EPHB1: variants seen among roughly 807,000 people sequenced by gnomAD.
EPHB1 encodes the protein EPH receptor B1.
Under a neutral mutation model 94.4 loss-of-function variants are expected in EPHB1, and 30 were observed. The observed-to-expected ratio is 0.32, with a 90% CI of 0.24 to 0.43. The LOEUF is 0.43. Among genes scored for constraint, EPHB1 ranks in the 20% least tolerant of loss-of-function variants. The probability of loss-of-function intolerance (pLI) is 1.00; values close to 1 mark genes in which losing one functional copy is unlikely to be tolerated. For synonymous variants in EPHB1, 522 were observed against 489.1 expected, an observed-to-expected ratio of 1.07 and a Z score of -0.89; for missense variants, 1,055 against 1,308.3, an observed-to-expected ratio of 0.81 and a Z score of 2.99.
At chr3:135,144,020 G>A (rs1487668929) in intron 5 of EPHB1, among the ~76,000 whole-genome samples, 2 of 152,106 alleles carry the variant, frequency 1.3e-5, no homozygotes, top group Non-Finnish European at 2.9e-5. Context: ...CTCCCTAAGT[G>A]CACAAGGGGT....
In EPHB1 at chr3:135,259,137, G is replaced by C; in HGVS notation, c.*17G>C. 6.3e-7 allele frequency: 1 copy of C among 1,585,326 alleles called. No homozygotes were observed. The highest frequency in any genetic ancestry group is 8.6e-7 in the Non-Finnish European group (1 of 1,162,138). On this transcript the variant is annotated 3_prime_UTR_variant, in exon 16 of 16. Transcript: ENST00000398015. ...ATGGCATGAGAACTCTTGTTTCTTG[G>C]GGAAGGAGAGGAGGGAAAAGGACCA... is the stretch of plus-strand genomic sequence containing the variant.
intron 6 of EPHB1, among the ~76,000 whole-genome samples, chr3:135,156,951 A>T (rs753291140): frequency 6.6e-6 from 1 of 152,234 alleles, no homozygotes; most frequent in Admixed American, 6.5e-5. Context: ...TTGTAGCTCT[A>T]TTGAAATAAC....
At chr3:135,200,428 C>A (rs182454799) in intron 11 of EPHB1, among the ~76,000 whole-genome samples, 1 of 150,582 alleles carries the variant, frequency 6.6e-6, no homozygotes, top group East Asian at 1.9e-4. Flanking sequence ...AGACGCTGTG[C>A]ATGAGGTTCC....
At chr3:135,171,147 G>C (rs1941791380) in intron 9 of EPHB1, among the ~76,000 whole-genome samples, 1 of 151,998 alleles carries the variant, frequency 6.6e-6, no homozygotes, top group Non-Finnish European at 1.5e-5. Flanking sequence ...AGTGATCACT[G>C]GGAACCCCCA....
At chr3:135,173,886 A>T (rs1941891660) in intron 9 of EPHB1, among the ~76,000 whole-genome samples, 1 of 152,344 alleles carries the variant, frequency 6.6e-6, no homozygotes, top group Non-Finnish European at 1.5e-5. Context: ...CACCTGGTTA[A>T]TAGTGCCATG....
Position 134,927,620 on chromosome 3 carries a change from G to C in EPHB1, c.123+1740G>C, listed in dbSNP as rs546350752. ...TTTACAAGGCCCCAACATAATTTAT[G>C]GTTAATTTTTCCCTTGGTTTTTGTA... On this transcript the variant is annotated intron_variant, in intron 2 of 15. Transcript: ENST00000398015. Among the ~76,000 whole-genome samples the C allele has an allele frequency of 3.3e-5, 5 of 152,280 alleles. No individual in the cohort carries two copies. The East Asian group carries it at 9.6e-4, about 29-fold the overall frequency.
intron 1 of EPHB1, among the ~76,000 whole-genome samples, chr3:134,867,195 T>C (rs1016094556): frequency 5.9e-5 from 9 of 152,208 alleles, no homozygotes; most frequent in Non-Finnish European, 1.2e-4. Flanking sequence ...TAGGTATGCC[T>C]TTAATTCAGT....
chr3:135,176,817 C>T (rs928883527), intron 9 of EPHB1, among the ~76,000 whole-genome samples: 4 of 152,112 alleles, frequency 2.6e-5, no homozygotes, highest in Non-Finnish European at 4.4e-5. Context: ...CATTCATTAC[C>T]GCATATTCTA....
intron 3 of EPHB1, among the ~76,000 whole-genome samples, chr3:135,087,763 G>A (rs1938411190): frequency 6.6e-6 from 1 of 152,170 alleles, no homozygotes; most frequent in African/African-American, 2.4e-5. Flanking sequence ...ACTAGAGGTA[G>A]GAAGAGTTCG....
At chr3:135,068,223 C>T (rs1346350643) in intron 3 of EPHB1, among the ~76,000 whole-genome samples, 1 of 152,170 alleles carries the variant, frequency 6.6e-6, no homozygotes, top group Non-Finnish European at 1.5e-5. Flanking sequence ...CCCTGCCTCC[C>T]ATCTGCCATG....
At chr3:135,078,121 C>G (rs1938012466) in intron 3 of EPHB1, among the ~76,000 whole-genome samples, 1 of 152,164 alleles carries the variant, frequency 6.6e-6, no homozygotes, top group South Asian at 2.1e-4. Flanking sequence ...CTGCATTCCC[C>G]CAGGTTCCTG....
chr3:134,981,452 C>G (rs73214171), intron 3 of EPHB1, among the ~76,000 whole-genome samples: 8,556 of 152,204 alleles, frequency 0.056, 349 homozygotes, highest in Non-Finnish European at 0.082. Flanking sequence ...TGGCCTGGTT[C>G]AGAAGTGACA....
chr3:135,249,511 CT>C lies in EPHB1; in HGVS notation c.2846+21del, dbSNP rs755967869. ...ATCAGAGTAAGTGATGAGAATCTCT[CT>C]GTCCAGACCACACCTAGGGGTCAGT... On this transcript the variant is annotated intron_variant, in intron 15 of 15. Transcript: ENST00000398015. 1.7e-5 allele frequency: 27 copies of C among 1,606,714 alleles called. No homozygotes were observed. In the Admixed American group the frequency reaches 4.5e-4, roughly 27 times the overall value.
At chr3:135,041,535 G>A (rs1396579099) in intron 3 of EPHB1, among the ~76,000 whole-genome samples, 5 of 152,200 alleles carry the variant, frequency 3.3e-5, no homozygotes, top group Admixed American at 6.5e-5. Flanking sequence ...TGAAAAGGAA[G>A]GTCCAGACTG....
intron 1 of EPHB1, among the ~76,000 whole-genome samples, chr3:134,905,683 T>G (rs1454019901): frequency 6.6e-6 from 1 of 152,218 alleles, no homozygotes; most frequent in Non-Finnish European, 1.5e-5. Context: ...TCTTTTCCTG[T>G]GCTGAGGTCT....
chr3:135,172,859 G>A (rs1941844380), intron 9 of EPHB1, among the ~76,000 whole-genome samples: 1 of 152,194 alleles, frequency 6.6e-6, no homozygotes, highest in Non-Finnish European at 1.5e-5. Flanking sequence ...GTAAGCCAGA[G>A]ACTCAAGAAA....
Position 134,919,998 on chromosome 3 carries a change from C to T in EPHB1, c.59-5818C>T, listed in dbSNP as rs138469551. Reference sequence around the variant, plus strand: ...CTGCCTACCAGGCTCCATACATCTGCCATTTTATTCCATGCTCACATTGTA... The same window carrying T: ...CTGCCTACCAGGCTCCATACATCTGTCATTTTATTCCATGCTCACATTGTA... On this transcript the variant is annotated intron_variant, in intron 1 of 15. Transcript: ENST00000398015. Among the ~76,000 whole-genome samples the T allele has an allele frequency of 4.4e-3, 668 of 152,138 alleles. 5 individuals are homozygous for T. The highest frequency in any genetic ancestry group is 0.016 in the African/African-American group (644 of 41,506).
At position 135,259,269 on chromosome 3, in the gene EPHB1, T is replaced by A; in HGVS notation, c.*149T>A. 1.8e-6 allele frequency: 1 copy of A among 571,156 alleles called. No homozygotes were observed. The highest frequency in any genetic ancestry group is 3.0e-6 in the Non-Finnish European group (1 of 329,676). The allele number at this position is 571,156 out of a possible 1,614,324, so 35.4% of individuals were successfully genotyped here. ...GTGAAGAATCAACCGGACCTGTTGC[T>A]AGCAGGCAATCTCCATTTCTCAGTG... On this transcript the variant is annotated 3_prime_UTR_variant, in exon 16 of 16. Transcript: ENST00000398015.
At chr3:135,182,988 T>A (rs1229708451) in intron 10 of EPHB1, among the ~76,000 whole-genome samples, 1 of 79,346 alleles carries the variant, frequency 1.3e-5, no homozygotes, top group African/African-American at 3.7e-5. Context: ...TTCTTTTGCT[T>A]TCTTTTCTTT....
Sources: gnomAD v4.1 joint callset for allele counts (sites outside exome capture counted in the v4.1 genomes callset) on GRCh38, gnomAD v4.1.1 for gene constraint, MANE v1.5 for transcripts, NCBI Gene and HGNC (gene_info 2026-07-23, HGNC 2026-07-21) for gene names.